The following NKAIN3 variants were observed in gnomAD, a reference collection of about 807,000 sequenced individuals.
NKAIN3 encodes sodium/potassium transporting ATPase interacting 3.
In NKAIN3, 25 loss-of-function variants were observed where a neutral mutation model predicts 30.2. That is an observed-to-expected ratio of 0.83 (90% CI 0.60 to 1.16). The LOEUF is 1.16. Ranked by LOEUF, NKAIN3 falls within the 50% of genes most tolerant of loss-of-function variation. The probability of loss-of-function intolerance (pLI) is 0.00; values close to 1 mark genes in which losing one functional copy is unlikely to be tolerated. For missense variants in NKAIN3, 225 were observed against 254.1 expected, an observed-to-expected ratio of 0.89 and a Z score of 0.78; for synonymous variants, 91 against 89.6, an observed-to-expected ratio of 1.02 and a Z score of -0.09.
chr8:62,909,744 A>G (rs1037707905), intron 4 of NKAIN3, among the ~76,000 whole-genome samples: 11 of 152,158 alleles, frequency 7.2e-5, no homozygotes, highest in African/African-American at 2.7e-4. Flanking sequence ...ATGCCCATCA[A>G]TAAGGCAAAA....
intron 3 of NKAIN3, among the ~76,000 whole-genome samples, chr8:62,739,037 T>C (rs1815774317): frequency 6.6e-6 from 1 of 152,118 alleles, no homozygotes; most frequent in South Asian, 2.1e-4. Flanking sequence ...ACACCACATA[T>C]TCTCACTCAT....
chr8:62,476,671 G>T (rs535562144), intron 1 of NKAIN3, among the ~76,000 whole-genome samples: 1 of 152,028 alleles, frequency 6.6e-6, no homozygotes, highest in African/African-American at 2.4e-5. Context: ...TGGCCAGGGT[G>T]GTCTCGATGT....
rs914549384 is a variant in NKAIN3 at position 62,880,585 on chromosome 8, T to C, written c.472-37868T>C. On this transcript the variant is annotated intron_variant, in intron 4 of 6. Transcript: ENST00000623646. ...TTCAAAATTGCACACTTTAAGTAGA[T>C]TGATCTTTTTCCCTTAAAAAAATGG... is the stretch of plus-strand genomic sequence containing the variant. Among the ~76,000 whole-genome samples, 6 of 152,200 alleles carry C rather than the reference T, an allele frequency of 3.9e-5. No homozygotes were observed. In the East Asian group the frequency reaches 9.6e-4, roughly 24 times the overall value.
intron 3 of NKAIN3, among the ~76,000 whole-genome samples, chr8:62,731,140 A>G (rs891973838): frequency 2.0e-5 from 3 of 151,688 alleles, no homozygotes; most frequent in African/African-American, 7.3e-5. Context: ...GGCGCTTTTT[A>G]GTGAGGAATG....
At chr8:62,265,031 T>C (rs1479066936) in intron 1 of NKAIN3, among the ~76,000 whole-genome samples, 2 of 152,176 alleles carry the variant, frequency 1.3e-5, no homozygotes, top group Non-Finnish European at 2.9e-5. Flanking sequence ...AAAAGAGTGA[T>C]ATCAGAAGCA....
intron 1 of NKAIN3, among the ~76,000 whole-genome samples, chr8:62,259,482 G>A (rs1812364210): frequency 6.6e-6 from 1 of 152,120 alleles, no homozygotes; most frequent in Non-Finnish European, 1.5e-5. Context: ...TGCATCTACA[G>A]CAGAATAGAA....
intron 3 of NKAIN3, among the ~76,000 whole-genome samples, chr8:62,707,081 A>ACACG (rs1212611281): frequency 6.6e-6 from 1 of 151,174 alleles, no homozygotes; most frequent in Non-Finnish European, 1.5e-5. Context: ...ACACACACAC[A>ACACG]CACACGCACA....
intron 5 of NKAIN3, among the ~76,000 whole-genome samples, chr8:62,928,415 G>A (rs1822514325): frequency 6.6e-6 from 1 of 151,962 alleles, no homozygotes; most frequent in Non-Finnish European, 1.5e-5. Context: ...ATCTTTCTTT[G>A]TCACAGTTCA....
intron 1 of NKAIN3, among the ~76,000 whole-genome samples, chr8:62,476,996 T>C (rs530243203): frequency 6.6e-6 from 1 of 152,030 alleles, no homozygotes; most frequent in Admixed American, 6.5e-5. Context: ...TGACTACAAA[T>C]GTATAGTCAG....
At chr8:62,601,415 T>C (rs371645020) in intron 3 of NKAIN3, among the ~76,000 whole-genome samples, 2 of 152,156 alleles carry the variant, frequency 1.3e-5, no homozygotes, top group African/African-American at 4.8e-5. Flanking sequence ...ACAGCCAAAC[T>C]ATGCCCACTT....
intron 1 of NKAIN3, among the ~76,000 whole-genome samples, chr8:62,486,185 C>T (rs918137622): frequency 6.6e-6 from 1 of 151,898 alleles, no homozygotes; most frequent in Non-Finnish European, 1.5e-5. Flanking sequence ...AATGAGTCGG[C>T]AAAGGAGATT....
At chr8:62,892,708 T>G (rs1349909748) in intron 4 of NKAIN3, among the ~76,000 whole-genome samples, 1 of 152,098 alleles carries the variant, frequency 6.6e-6, no homozygotes, top group African/African-American at 2.4e-5. Context: ...AAAAAATAGT[T>G]GTTTAATTTG....
At chr8:62,755,604 C>T (rs766774096) in intron 4 of NKAIN3, among the ~76,000 whole-genome samples, 17 of 151,966 alleles carry the variant, frequency 1.1e-4, no homozygotes, top group Non-Finnish European at 2.4e-4. Flanking sequence ...CATGACCAAC[C>T]TCTCCTGTCC....
intron 3 of NKAIN3, among the ~76,000 whole-genome samples, chr8:62,738,662 A>C (rs1330341684): frequency 6.7e-6 from 1 of 149,504 alleles, no homozygotes; most frequent in Non-Finnish European, 1.5e-5. Flanking sequence ...TCCTTTGCCC[A>C]CTTTTTGATG....
At chr8:62,541,043 CT>C (rs1563448232) in intron 1 of NKAIN3, among the ~76,000 whole-genome samples, 25 of 152,234 alleles carry the variant, frequency 1.6e-4, no homozygotes, top group Admixed American at 1.4e-3. Context: ...GGCTCAGTGG[CT>C]AATGCTTTTA....
intron 4 of NKAIN3, among the ~76,000 whole-genome samples, chr8:62,771,092 TATTA>T (rs1248626192): frequency 2.6e-5 from 4 of 152,100 alleles, no homozygotes; most frequent in Non-Finnish European, 4.4e-5. Flanking sequence ...GACTTCAAAG[TATTA>T]ATTATCAAAA....
intron 4 of NKAIN3, among the ~76,000 whole-genome samples, chr8:62,776,032 ATC>A (rs1469175294): frequency 6.6e-6 from 1 of 151,828 alleles, no homozygotes; most frequent in Admixed American, 6.6e-5. Flanking sequence ...GATCTTCTTC[ATC>A]TCTTTTTGTA....
At chr8:62,848,300 C>T (rs372244154) in intron 4 of NKAIN3, among the ~76,000 whole-genome samples, 10 of 152,054 alleles carry the variant, frequency 6.6e-5, no homozygotes, top group Admixed American at 2.0e-4. Flanking sequence ...ATTCTATCCA[C>T]GAGCATGGAA....
At chr8:62,773,549 G>C (rs1817090087) in intron 4 of NKAIN3, among the ~76,000 whole-genome samples, 1 of 152,032 alleles carries the variant, frequency 6.6e-6, no homozygotes, top group East Asian at 1.9e-4. Flanking sequence ...ATCTCATCTC[G>C]AATTGTAATG....
Sources: allele counts gnomAD v4.1 joint callset (sites outside exome capture counted in the v4.1 genomes callset), GRCh38; gene constraint gnomAD v4.1.1; transcripts MANE v1.5; gene names NCBI Gene and HGNC (gene_info 2026-07-23, HGNC 2026-07-21).